Variants in MICAL3 observed in about 807,000 individuals in gnomAD.
MICAL3 encodes the protein [F-actin]-monooxygenase MICAL3.
In MICAL3, 62 loss-of-function variants were observed where a neutral mutation model predicts 207.4. The ratio of observed to expected loss-of-function variants is 0.30; its 90% CI spans 0.24 to 0.37. The LOEUF (loss-of-function observed/expected upper bound fraction) is 0.37, where lower values mean the gene tolerates loss of function less well. MICAL3 is among the 10% of genes least tolerant of loss of function. The pLI, the probability that MICAL3 is intolerant of heterozygous loss-of-function variation, is 1.00. For synonymous variants in MICAL3, 1,077 were observed against 1,069.3 expected, an observed-to-expected ratio of 1.01 and a Z score of -0.14; for missense variants, 2,368 against 2,635.6, an observed-to-expected ratio of 0.90 and a Z score of 2.22.
intron 1 of MICAL3, among the ~76,000 whole-genome samples, chr22:17,966,846 T>C (rs376459764): frequency 5.1e-4 from 78 of 151,738 alleles, no homozygotes; most frequent in African/African-American, 1.9e-3. Context: ...AGGAAGCAGC[T>C]GCAATTAATT....
chr22:17,972,067 C>T (rs1334503849), intron 1 of MICAL3, among the ~76,000 whole-genome samples: 1 of 152,198 alleles, frequency 6.6e-6, no homozygotes, highest in East Asian at 1.9e-4. Context: ...TGTTCCCAAG[C>T]CCAGTGCGCT....
At chr22:17,877,580 A>AGTTATGGAG (rs796541124) in intron 16 of MICAL3, among the ~76,000 whole-genome samples, 8 of 75,956 alleles carry the variant, frequency 1.1e-4, no homozygotes, top group Non-Finnish European at 1.4e-4. Flanking sequence ...AGGTTAGGGA[A>AGTTATGGAG]GTTATGGAGG....
At chr22:17,939,082 G>A (rs1013988360) in intron 1 of MICAL3, among the ~76,000 whole-genome samples, 2 of 152,086 alleles carry the variant, frequency 1.3e-5, no homozygotes, top group African/African-American at 4.8e-5. Context: ...GTGGATTAAT[G>A]GGTTATCATG....
At chr22:17,976,115 T>G (rs946161946) in intron 1 of MICAL3, among the ~76,000 whole-genome samples, 3 of 152,040 alleles carry the variant, frequency 2.0e-5, no homozygotes, top group African/African-American at 7.2e-5. Flanking sequence ...AACATCAGTA[T>G]GTAAGTTAAA....
At chr22:17,862,110 G>A (rs1926576883) in intron 19 of MICAL3, 7 of 985,338 alleles carry the variant, frequency 7.1e-6, no homozygotes, top group Non-Finnish European at 7.2e-6. Flanking sequence ...TAGGGAGGAT[G>A]GCTGAGTTAC....
At chr22:17,847,003 C>G (rs948658008) in intron 19 of MICAL3, among the ~76,000 whole-genome samples, 1 of 152,254 alleles carries the variant, frequency 6.6e-6, no homozygotes, top group East Asian at 1.9e-4. Context: ...GGACAACCTG[C>G]TCTCGGCTGC....
chr22:17,813,648 ATCT>A (rs2062072465), intron 27 of MICAL3: 1 of 152,218 alleles, frequency 6.6e-6, no homozygotes. Context: ...CAGCACTAAC[ATCT>A]TCACCTATGG....
chr22:17,870,318 C>CAAG (rs1258358010), intron 17 of MICAL3, among the ~76,000 whole-genome samples: 1 of 152,156 alleles, frequency 6.6e-6, no homozygotes, highest in Non-Finnish European at 1.5e-5. Context: ...CCAAGATGCT[C>CAAG]TTGAACTTCA....
In MICAL3 at chr22:17,796,019, T is replaced by A. The variant is rs542664124; in HGVS notation, c.5651-4718A>T. Among the ~76,000 whole-genome samples, 13 of 152,346 alleles carry A rather than the reference T, an allele frequency of 8.5e-5. No individual in the cohort carries two copies. Among genetic ancestry groups the A allele is most frequent in the African/African-American group, 3.1e-4 (13 of 41,564 alleles). On this transcript the variant is annotated intron_variant, in intron 29 of 31. Coordinates refer to ENST00000441493, the MANE Select transcript of MICAL3 (RefSeq NM_015241.3). This position sits in a 1 kb window ranked among gnomAD's most constrained non-coding sequence, Gnocchi z 4.4. ...AAGCTTCTGGCAAATGGAAGTTTTT[T>A]GGTTTTTCTCAACATCAGGGTAACG...
chr22:17,995,785 A>C (rs1206592818), intron 1 of MICAL3, among the ~76,000 whole-genome samples: 1 of 152,016 alleles, frequency 6.6e-6, no homozygotes, highest in Admixed American at 6.5e-5. Context: ...CTGGGATTAC[A>C]GGCATGACCC....
chr22:17,807,923 T>G lies in MICAL3; in HGVS notation c.5650+921A>C, dbSNP rs541381445. ...CCTTTTCTTCATCCCCAGCTCACAA[T>G]TTAAACGCTGAACCTGCAGGCTATA... On this transcript the variant is annotated intron_variant, in intron 29 of 31. Coordinates refer to ENST00000441493, the MANE Select transcript of MICAL3 (RefSeq NM_015241.3). Among the ~76,000 whole-genome samples, 12 of 152,322 alleles carry G rather than the reference T, an allele frequency of 7.9e-5. No individual in the cohort carries two copies. In the South Asian group the frequency reaches 1.7e-3, roughly 21 times the overall value.
In MICAL3 at chr22:17,866,613, C is replaced by CAGAACAGAATAGAAT. The variant is rs1467864211; in HGVS notation, c.2429-602_2429-601insATTCTATTCTGTTCT. 4.4e-3 allele frequency among the ~76,000 whole-genome samples: 594 copies of CAGAACAGAATAGAAT among 136,252 alleles called. 2 individuals are homozygous for CAGAACAGAATAGAAT. The highest frequency in any genetic ancestry group is 6.9e-3 in the African/African-American group (244 of 35,138). The allele number at this position is 136,252 out of a possible 152,430, so 89.4% of individuals were successfully genotyped here. On this transcript the variant is annotated intron_variant, in intron 17 of 31. Coordinates refer to ENST00000441493, the MANE Select transcript of MICAL3 (RefSeq NM_015241.3). ...TGGAAGGGAACAGCATAGAACAGAACAGAATAGAATAGAATAGAATAGAAT... is the reference window on the plus strand; with the variant it reads ...TGGAAGGGAACAGCATAGAACAGAACAGAACAGAATAGAATAGAATAGAATAGAATAGAATAGAAT...
At chr22:17,874,206 T>C (rs925306160) in intron 16 of MICAL3, among the ~76,000 whole-genome samples, 8 of 152,214 alleles carry the variant, frequency 5.3e-5, no homozygotes, top group Non-Finnish European at 1.0e-4. Flanking sequence ...ATTGGTGCCA[T>C]TTGCCCATTA....
chr22:17,849,686 GTA>G (rs1925070386), intron 19 of MICAL3, among the ~76,000 whole-genome samples: 4 of 56,190 alleles, frequency 7.1e-5, no homozygotes, highest in African/African-American at 2.6e-4. Context: ...GTGTGTGTGT[GTA>G]TTTTTTTTTT....
chr22:17,830,938 GC>G (rs1196395608), intron 21 of MICAL3, among the ~76,000 whole-genome samples: 3 of 152,240 alleles, frequency 2.0e-5, no homozygotes, highest in Admixed American at 2.0e-4. Flanking sequence ...CAAGGGCTCA[GC>G]CCTGTGTGCC....
chr22:17,937,203 G>A (rs561888936), intron 1 of MICAL3, among the ~76,000 whole-genome samples: 1 of 152,248 alleles, frequency 6.6e-6, no homozygotes, highest in South Asian at 2.1e-4. Flanking sequence ...ATCTCTTTTG[G>A]CTTCTTTCCA....
chr22:18,020,324 G>A (rs748128151), intron 1 of MICAL3: 1 of 151,308 alleles, frequency 6.6e-6, no homozygotes, highest in Non-Finnish European at 1.5e-5. Context: ...TATATTTTGG[G>A]TCAGAGATCC....
rs544304022 is a variant in MICAL3, at chr22:17,789,063, A to T, written c.*1669T>A. On this transcript the variant is annotated 3_prime_UTR_variant, in exon 32 of 32. Transcript: ENST00000441493. ...AGCTCAGTGGCTTGATGAGCTGTAC[A>T]CAGCCAGGCTGGTGCGGAACCGTGA... 6.6e-6 allele frequency: 1 copy of T among 152,508 alleles called. No individual in the cohort carries two copies. The highest frequency in any genetic ancestry group is 2.4e-5 in the African/African-American group (1 of 41,608). The allele number at this position is 152,508 out of a possible 1,614,324, so 9.4% of individuals were successfully genotyped here.
chr22:18,017,044 G>A (rs2146512038), intron 1 of MICAL3, among the ~76,000 whole-genome samples: 1 of 152,268 alleles, frequency 6.6e-6, no homozygotes, highest in East Asian at 1.9e-4. Context: ...AACAGAAATT[G>A]TAACTAATTT....
Sources: gnomAD v4.1 joint callset for allele counts (sites outside exome capture counted in the v4.1 genomes callset) on GRCh38, gnomAD v4.1.1 for gene constraint, Gnocchi (gnomAD v3.1) non-coding constraint, MANE v1.5 for transcripts, NCBI Gene and HGNC (gene_info 2026-07-23, HGNC 2026-07-21) for gene names.